Variants in SYNJ1 observed in about 807,000 individuals in gnomAD.
SYNJ1 encodes the protein polyphosphatidylinositol phosphatase SYNJ1.
Under a neutral mutation model 168.2 loss-of-function variants are expected in SYNJ1, and 78 were observed. The ratio of observed to expected loss-of-function variants is 0.46; its 90% CI spans 0.39 to 0.56. The LOEUF (loss-of-function observed/expected upper bound fraction) is 0.56, where lower values mean the gene tolerates loss of function less well. Ranked by LOEUF, SYNJ1 falls within the 20% of genes least tolerant of loss-of-function variation. The pLI is 0.00. For missense variants in SYNJ1, 1,303 were observed against 1,597.6 expected, an observed-to-expected ratio of 0.82 and a Z score of 3.14; for synonymous variants, 539 against 548.6, an observed-to-expected ratio of 0.98 and a Z score of 0.24.
At chr21:32,685,038 C>T (rs113898698) in intron 9 of SYNJ1, among the ~76,000 whole-genome samples, 3 of 151,474 alleles carry the variant, frequency 2.0e-5, no homozygotes, top group Non-Finnish European at 4.4e-5. Flanking sequence ...AAAAAACAGC[C>T]GGGAGTGGTG....
intron 6 of SYNJ1, among the ~76,000 whole-genome samples, chr21:32,690,863 G>A (rs758953230): frequency 2.6e-5 from 4 of 152,258 alleles, no homozygotes; most frequent in East Asian, 1.9e-4. Flanking sequence ...CGGAGGTTGC[G>A]GTGAGCCAAG....
chr21:32,664,898 C>G lies in SYNJ1; in HGVS notation c.2304+15G>C, dbSNP rs775088726. Reference sequence around the variant, plus strand: ...CAAAATCTTAATGCAAGTATTTTCTCAAGTATAGATATACCTGTCCAGCAT... The same window carrying G: ...CAAAATCTTAATGCAAGTATTTTCTGAAGTATAGATATACCTGTCCAGCAT... On this transcript the variant is annotated intron_variant, in intron 18 of 32. Coordinates refer to ENST00000674351, the MANE Select transcript of SYNJ1 (RefSeq NM_203446.3). 1.9e-6 allele frequency: 3 copies of G among 1,538,466 alleles called. No homozygotes were observed. Among genetic ancestry groups the G allele is most frequent in the South Asian group, 2.5e-5 (2 of 81,348 alleles).
chr21:32,721,568 A>G (rs2043222525), intron 2 of SYNJ1, among the ~76,000 whole-genome samples: 3 of 151,848 alleles, frequency 2.0e-5, no homozygotes, highest in African/African-American at 7.3e-5. Flanking sequence ...GGTCCCAGCT[A>G]CTCAGGAGGC....
rs2042125783 is a variant in SYNJ1 at position 32,694,265 on chromosome 21, C to G, written c.752G>C (p.Gly251Ala). The G allele has an allele frequency of 6.4e-7, 1 of 1,570,180 alleles. No individual in the cohort carries two copies. The highest frequency in any genetic ancestry group is 2.4e-5 in the East Asian group (1 of 41,018). Reference protein sequence around the residue: ...DSVSSFIQIRGSVPLFWEQPG... With the variant: ...DSVSSFIQIRASVPLFWEQPG... ...TTGCTCCCAGAACAATGGAACAGATCCTCGGATTTGTATGAAGGAAGAAAC... is the reference window on the plus strand; with the variant it reads ...TTGCTCCCAGAACAATGGAACAGATGCTCGGATTTGTATGAAGGAAGAAAC... Residue 251 changes from glycine to alanine, a missense_variant, in exon 6 of 33, where the codon GGA (glycine) becomes GCA (alanine). Gly to Ala is a moderately conservative substitution (Grantham distance 60, BLOSUM62 0). This residue lies in a region of SYNJ1 where 920 missense variants were observed against 1,208.8 expected (regional missense o/e 0.76). Coordinates refer to ENST00000674351, the MANE Select transcript of SYNJ1 (RefSeq NM_203446.3).
At chr21:32,705,111 T>C (rs570669908) in intron 2 of SYNJ1, among the ~76,000 whole-genome samples, 99 of 147,696 alleles carry the variant, frequency 6.7e-4, no homozygotes, top group African/African-American at 2.4e-3. Context: ...ATTGCACCAC[T>C]GCACTCCAGC....
intron 7 of SYNJ1, 30 bp from the exon 8 acceptor site, chr21:32,687,104 T>C (rs767969137): frequency 8.0e-7 from 1 of 1,255,076 alleles, no homozygotes; most frequent in South Asian, 1.6e-5. Context: ...AATAAATACA[T>C]GTCAAATAAG....
At chr21:32,726,969 G>T (rs569594756) in intron 1 of SYNJ1, 52 bp from the exon 2 acceptor site, 1 of 1,589,910 alleles carries the variant, frequency 6.3e-7, no homozygotes, top group East Asian at 2.3e-5. Flanking sequence ...TCCTTCTGCA[G>T]CAAGGACTGC....
chr21:32,703,297 C>A (rs1300127016), intron 2 of SYNJ1, among the ~76,000 whole-genome samples: 1 of 152,216 alleles, frequency 6.6e-6, no homozygotes, highest in Non-Finnish European at 1.5e-5. Context: ...GATTCGCCAA[C>A]CCGTTAAAGT....
chr21:32,639,135 C>A lies in SYNJ1; in HGVS notation c.3698-10G>T. 6.2e-7 allele frequency: 1 copy of A among 1,607,160 alleles called. No homozygotes were observed. Among genetic ancestry groups the A allele is most frequent in the South Asian group, 1.1e-5 (1 of 90,716 alleles). On this transcript the variant is annotated splice_polypyrimidine_tract_variant and intron_variant, in intron 30 of 32. Transcript: ENST00000674351. ...GGAAGGAAAGTTGAACCTAAAAAAC[C>A]AGTGGTTGTCAGATGTTAGGTATAT... is the stretch of plus-strand genomic sequence containing the variant.
intron 14 of SYNJ1, among the ~76,000 whole-genome samples, chr21:32,671,398 T>A (rs74332631): frequency 6.6e-6 from 1 of 152,170 alleles, no homozygotes; most frequent in African/African-American, 2.4e-5. Context: ...GCAAGTCTCA[T>A]GCATACATCA....
rs2040509772 is a variant in SYNJ1 at position 32,657,613 on chromosome 21, T to C, written c.2461+103A>G. 9 of 1,081,232 alleles carry C rather than the reference T, an allele frequency of 8.3e-6. No homozygotes were observed. In the East Asian group the frequency reaches 2.4e-4, roughly 29 times the overall value. The allele number at this position is 1,081,232 out of a possible 1,614,324, so 67.0% of individuals were successfully genotyped here. On this transcript the variant is annotated intron_variant, in intron 19 of 32. Coordinates refer to ENST00000674351, the MANE Select transcript of SYNJ1 (RefSeq NM_203446.3). The stretch of plus-strand genomic sequence containing the variant: ...ATTTTATTTATTCTATTCCAGTTAA[T>C]GTTTCTTGAAAAACAATATTCTCCT...
In SYNJ1 at chr21:32,650,309, G is replaced by A; in HGVS notation, c.2912C>T (p.Pro971Leu). 6.2e-7 allele frequency: 1 copy of A among 1,613,226 alleles called. No homozygotes were observed. The highest frequency in any genetic ancestry group is 8.5e-7 in the Non-Finnish European group (1 of 1,179,710). The change falls in exon 23 of 33, where the codon CCA becomes CTA. Residue 971 changes from proline (P) to leucine (L), a missense_variant. Pro to Leu is a moderately conservative substitution (Grantham distance 98). Around this residue, in one of 2 missense-constraint regions of SYNJ1, gnomAD observed 920 missense variants for 1,208.8 expected, o/e 0.76. Coordinates refer to ENST00000674351, the MANE Select transcript of SYNJ1 (RefSeq NM_203446.3). ...TTCTTCCAAATTTTTGATCCAGTCT[G>A]GACTTTTTAAAGCAATAGTTATAGT... is the stretch of plus-strand genomic sequence containing the variant. ...NRTITIALKS[P>L]DWIKNLEEEM...
chr21:32,642,089 T>G lies in SYNJ1; in HGVS notation c.3517+6A>C, dbSNP rs2039866076. Reference sequence around the variant, plus strand: ...AGGGTGAATAGCTACATTCAAGTGTTTTTACCTATATTATCTTTCCTTGTT... The same window carrying G: ...AGGGTGAATAGCTACATTCAAGTGTGTTTACCTATATTATCTTTCCTTGTT... On this transcript the variant is annotated splice_donor_region_variant and intron_variant, in intron 28 of 32. Coordinates refer to ENST00000674351, the MANE Select transcript of SYNJ1 (RefSeq NM_203446.3). 4 of 1,614,196 alleles carry G rather than the reference T, an allele frequency of 2.5e-6. No homozygotes were observed. The highest frequency in any genetic ancestry group is 1.1e-5 in the South Asian group (1 of 91,084).
In SYNJ1 at chr21:32,698,916, A is replaced by G. The variant is rs146033467; in HGVS notation, c.479+922T>C. Among the ~76,000 whole-genome samples, 6 of 152,362 alleles carry G rather than the reference A, an allele frequency of 3.9e-5. No homozygotes were observed. In the East Asian group the frequency reaches 9.6e-4, roughly 24 times the overall value. On this transcript the variant is annotated intron_variant, in intron 4 of 32. Coordinates refer to ENST00000674351, the MANE Select transcript of SYNJ1 (RefSeq NM_203446.3). ...AAACCAAGAATAGGAAACGTGAGTAACACAGTTTTGTTACAATTAAATTCA... is the reference window on the plus strand; with the variant it reads ...AAACCAAGAATAGGAAACGTGAGTAGCACAGTTTTGTTACAATTAAATTCA...
chr21:32,678,943 G>A (rs2041519539), intron 11 of SYNJ1, 142 bp from the exon 12 acceptor site: 1 of 1,095,042 alleles, frequency 9.1e-7, no homozygotes, highest in Non-Finnish European at 1.3e-6. Flanking sequence ...TGAATATATA[G>A]TCATGACAAT....
At chr21:32,657,271 C>T in intron 19 of SYNJ1, 151 bp from the exon 20 acceptor site, 1 of 595,314 alleles carries the variant, frequency 1.7e-6, no homozygotes, top group Non-Finnish European at 2.9e-6. Flanking sequence ...AGTCTAAATA[C>T]CTTTAAATTC....
At chr21:32,652,264 A>G (rs2040299912) in intron 22 of SYNJ1, among the ~76,000 whole-genome samples, 1 of 151,358 alleles carries the variant, frequency 6.6e-6, no homozygotes, top group African/African-American at 2.4e-5. Flanking sequence ...GCACTGGTGC[A>G]ATCTCGGCTC....
At chr21:32,726,315 G>T (rs1051070982) in intron 2 of SYNJ1, among the ~76,000 whole-genome samples, 10 of 152,086 alleles carry the variant, frequency 6.6e-5, no homozygotes, top group Non-Finnish European at 1.3e-4. Flanking sequence ...TATCTCACAT[G>T]AAAATCTAGA....
chr21:32,721,987 A>G (rs1380403714), intron 2 of SYNJ1, among the ~76,000 whole-genome samples: 1 of 149,994 alleles, frequency 6.7e-6, no homozygotes, highest in Non-Finnish European at 1.5e-5. Context: ...GGAGTTCAAG[A>G]CCAGCCTGAC....
Sources: allele counts gnomAD v4.1 joint callset (sites outside exome capture counted in the v4.1 genomes callset), GRCh38; gene constraint gnomAD v4.1.1; regional missense constraint gnomAD v4.1.1; transcripts MANE v1.5; gene names NCBI Gene and HGNC (gene_info 2026-07-23, HGNC 2026-07-21).